DNAH12: variants seen among roughly 807,000 people sequenced by gnomAD.
The protein encoded by DNAH12 is axonemal beta dynein heavy chain 12.
In DNAH12, 285 loss-of-function variants were observed where a neutral mutation model predicts 371.5. That is an observed-to-expected ratio of 0.77 (90% CI 0.70 to 0.85). The LOEUF is 0.85. Among genes scored for constraint, DNAH12 ranks in the 40% least tolerant of loss-of-function variants. The pLI is 0.00. For missense variants in DNAH12, 3,611 were observed against 3,689.4 expected, an observed-to-expected ratio of 0.98 and a Z score of 0.55; for synonymous variants, 1,200 against 1,213.0, an observed-to-expected ratio of 0.99 and a Z score of 0.22.
chr3:57,299,898 A>G (rs2061311562), intron 70 of DNAH12, among the ~76,000 whole-genome samples: 1 of 152,200 alleles, frequency 6.6e-6, no homozygotes, highest in South Asian at 2.1e-4. Context: ...GAACAGTGAG[A>G]GAGAAATGAG....
chr3:57,437,037 T>C lies in DNAH12; in HGVS notation c.4569A>G (p.Glu1523=), dbSNP rs757951303. The change falls in exon 30 of 74, where the codon GAA becomes GAG. Residue 1523 remains glutamate, a synonymous_variant. Transcript: ENST00000495027. ...GCTGAAGATTATGTACATTGCAGGC[T>C]TCATGAGCACATTCCAAAAATTCCT... is the stretch of plus-strand genomic sequence containing the variant. ...DYHEFLECAH[E]ACNVHNLQPV... 35 of 1,518,076 alleles carry C rather than the reference T, an allele frequency of 2.3e-5. No homozygotes were observed. Among genetic ancestry groups the C allele is most frequent in the South Asian group, 5.3e-5 (4 of 74,870 alleles). The allele number at this position is 1,518,076 out of a possible 1,614,324, so 94.0% of individuals were successfully genotyped here.
At chr3:57,296,173 C>T (rs1215489779) in intron 72 of DNAH12, among the ~76,000 whole-genome samples, 171 bp downstream of exon 72, 1 of 152,040 alleles carries the variant, frequency 6.6e-6, no homozygotes, top group Non-Finnish European at 1.5e-5. Context: ...TTATTCAAGA[C>T]CTAAAAATAA....
intron 25 of DNAH12, among the ~76,000 whole-genome samples, chr3:57,448,610 G>A (rs572420648): frequency 1.2e-4 from 18 of 152,332 alleles, no homozygotes; most frequent in African/African-American, 2.6e-4. Context: ...AATAGAACCC[G>A]ACCATGTTGC....
At chr3:57,465,370 A>T (rs1185276131) in intron 17 of DNAH12, among the ~76,000 whole-genome samples, 1 of 152,198 alleles carries the variant, frequency 6.6e-6, no homozygotes, top group Non-Finnish European at 1.5e-5. Flanking sequence ...AATTTATAAA[A>T]AAACTCTTTC....
chr3:57,339,759 C>T (rs1300211986), intron 60 of DNAH12, among the ~76,000 whole-genome samples: 1 of 151,880 alleles, frequency 6.6e-6, no homozygotes, highest in African/African-American at 2.4e-5. Context: ...TCCTGAGTGA[C>T]CAATTGATTA....
At chr3:57,504,954 C>G (rs2067696422) in intron 8 of DNAH12, among the ~76,000 whole-genome samples, 2 of 151,492 alleles carry the variant, frequency 1.3e-5, no homozygotes. Flanking sequence ...GTGGCAAGAC[C>G]TCGATTCACT....
chr3:57,495,237 T>C lies in DNAH12; in HGVS notation c.1336-5550A>G, dbSNP rs114230316. Among the ~76,000 whole-genome samples the C allele has an allele frequency of 2.7e-3, 409 of 152,116 alleles. 1 individual carries two copies. The highest frequency in any genetic ancestry group is 9.4e-3 in the African/African-American group (392 of 41,496). ...TTTTGTAAAATAAAAGCTAGAGTAT[T>C]AGAATCAGTAAAAACTTCAGAATAA... On this transcript the variant is annotated intron_variant, in intron 11 of 73. Coordinates refer to ENST00000495027, the MANE Select transcript of DNAH12 (RefSeq NM_001366028.2).
Position 57,323,582 on chromosome 3 carries a change from A to G in DNAH12, c.10016T>C (p.Leu3339Pro). ...PAITNYVTDK[L>P]GKKFVEPPPF... ...TGGAGGCTCTACAAACTTTTTCCCT[A>G]GTTTGTCAGTTACATAGTTTGTTAT... is the stretch of plus-strand genomic sequence containing the variant. Residue 3339 changes from leucine to proline, a missense_variant, in exon 63 of 74, where the codon CTA becomes CCA. This residue lies in a region of DNAH12 where 2,266 missense variants were observed against 2,236.9 expected (regional missense o/e 1.01). Transcript: ENST00000495027. 1.3e-6 allele frequency: 2 copies of G among 1,550,142 alleles called. No homozygotes were observed. Among genetic ancestry groups the G allele is most frequent in the South Asian group, 2.4e-5 (2 of 83,598 alleles).
intron 60 of DNAH12, among the ~76,000 whole-genome samples, chr3:57,339,621 T>G (rs2062343296): frequency 6.6e-6 from 1 of 151,966 alleles, no homozygotes; most frequent in Non-Finnish European, 1.5e-5. Flanking sequence ...TCATAAAACT[T>G]TGAAAAAAAA....
chr3:57,328,310 A>G (rs1468869185), intron 62 of DNAH12, among the ~76,000 whole-genome samples: 2 of 151,626 alleles, frequency 1.3e-5, no homozygotes, highest in Non-Finnish European at 2.9e-5. Flanking sequence ...AAAAATCCTC[A>G]ATAAAATACT....
rs575186878 is a variant in DNAH12 at position 57,321,662 on chromosome 3, G to T, written c.10524+681C>A. 1.1e-3 allele frequency among the ~76,000 whole-genome samples: 168 copies of T among 152,170 alleles called. 1 individual carries two copies. Among genetic ancestry groups the T allele is most frequent in the African/African-American group, 4.0e-3 (164 of 41,504 alleles). ...TTTACTCTTCTGGGTGGATAAATTT[G>T]CTTAATTTTAGGGCTCAGTAATATG... On this transcript the variant is annotated intron_variant, in intron 65 of 73. Transcript: ENST00000495027.
At chr3:57,555,966 G>A in the DNAH12 span, among the ~76,000 whole-genome samples, 2 of 152,254 alleles carry the variant, frequency 1.3e-5, no homozygotes, top group South Asian at 4.1e-4. Flanking sequence ...GGCGCAGGGA[G>A]GAGAGCTGGT....
At chr3:57,456,810 A>G (rs1310488360) in intron 22 of DNAH12, among the ~76,000 whole-genome samples, 1 of 152,184 alleles carries the variant, frequency 6.6e-6, no homozygotes, top group Non-Finnish European at 1.5e-5. Context: ...GGAATCACCC[A>G]GAGTAAATGC....
chr3:57,482,725 T>C (rs1575664898), intron 13 of DNAH12, among the ~76,000 whole-genome samples: 1 of 151,940 alleles, frequency 6.6e-6, no homozygotes, highest in South Asian at 2.1e-4. Context: ...ATATACACCA[T>C]GGAATACTAT....
At chr3:57,428,874 G>A in intron 33 of DNAH12, 53 bp from the exon 34 acceptor site, 2 of 1,447,216 alleles carry the variant, frequency 1.4e-6, no homozygotes, top group East Asian at 2.5e-5. Context: ...AGTGGCACCT[G>A]GCAATTATCA....
chr3:57,495,956 A>C (rs985011459), intron 11 of DNAH12, among the ~76,000 whole-genome samples: 15 of 145,284 alleles, frequency 1.0e-4, no homozygotes, highest in Middle Eastern at 3.7e-3. Context: ...ATCTATTTAT[A>C]TATTTATATA....
At chr3:57,437,773 A>G (rs2065174013) in intron 29 of DNAH12, among the ~76,000 whole-genome samples, 2 of 152,212 alleles carry the variant, frequency 1.3e-5, no homozygotes, top group Admixed American at 1.3e-4. Flanking sequence ...GCTTGGCTGG[A>G]AAGACACACA....
intron 60 of DNAH12, among the ~76,000 whole-genome samples, chr3:57,337,553 G>T (rs1208499430): frequency 6.6e-6 from 1 of 152,148 alleles, no homozygotes; most frequent in Non-Finnish European, 1.5e-5. Context: ...CAGCTACTTG[G>T]GAGGCTGAGG....
At chr3:57,437,708 G>T (rs2065172477) in intron 29 of DNAH12, among the ~76,000 whole-genome samples, 1 of 152,172 alleles carries the variant, frequency 6.6e-6, no homozygotes, top group Non-Finnish European at 1.5e-5. Flanking sequence ...TGCCAAGCTG[G>T]TTCTCCCGAA....
Sources: gnomAD v4.1 joint callset for allele counts (sites outside exome capture counted in the v4.1 genomes callset) on GRCh38, gnomAD v4.1.1 for gene constraint, gnomAD v4.1.1 regional missense constraint, MANE v1.5 for transcripts, NCBI Gene and HGNC (gene_info 2026-07-23, HGNC 2026-07-21) for gene names.